EPG5: variants seen among roughly 807,000 people sequenced by gnomAD.
EPG5 encodes the protein ectopic P granules protein 5 homolog.
A neutral mutation model predicts 302.7 loss-of-function variants in EPG5; 159 were observed. The ratio of observed to expected loss-of-function variants is 0.53; its 90% confidence interval spans 0.46 to 0.60. The LOEUF is 0.60. Among genes scored for constraint, EPG5 ranks in the 20% least tolerant of loss-of-function variants. The pLI, the probability that EPG5 is intolerant of heterozygous loss-of-function variation, is 0.00. For missense variants in EPG5, 2,896 were observed against 3,092.4 expected, an observed-to-expected ratio of 0.94 and a Z score of 1.51; for synonymous variants, 1,158 against 1,136.8, an observed-to-expected ratio of 1.02 and a Z score of -0.37.
chr18:45,834,726 A>G, the EPG5 span, among the ~76,000 whole-genome samples: 1 of 152,346 alleles, frequency 6.6e-6, no homozygotes, highest in South Asian at 2.1e-4. Context: ...TGCCTGGCAT[A>G]AAGTGGGGAA....
At chr18:45,837,107 A>G in the EPG5 span, 3 of 1,612,724 alleles carry the variant, frequency 1.9e-6, no homozygotes, top group South Asian at 3.3e-5. Context: ...TTTTATTATT[A>G]TCACCATCTC....
At chr18:45,945,510 G>T (rs2050768305) in intron 7 of EPG5, among the ~76,000 whole-genome samples, 1 of 152,116 alleles carries the variant, frequency 6.6e-6, no homozygotes. Flanking sequence ...CAGGAGCCAG[G>T]CACCAATGCA....
At chr18:45,953,488 G>C in intron 2 of EPG5, 1 of 985,284 alleles carries the variant, frequency 1.0e-6, no homozygotes, top group Non-Finnish European at 1.2e-6. Flanking sequence ...TTAGGGATAG[G>C]GGAATGACAT....
chr18:45,944,149 C>T, intron 7 of EPG5, 30 bp from the exon 8 acceptor site: 1 of 1,324,554 alleles, frequency 7.5e-7, no homozygotes, highest in Non-Finnish European at 1.1e-6. Flanking sequence ...ATCATGTCAG[C>T]AGATTTGATC....
chr18:45,810,265 A>G, the EPG5 span, among the ~76,000 whole-genome samples: 4 of 152,200 alleles, frequency 2.6e-5, no homozygotes, highest in Non-Finnish European at 5.9e-5. Flanking sequence ...ACGGATTCAC[A>G]GCAGAATTCT....
chr18:45,839,730 G>C, the EPG5 span, among the ~76,000 whole-genome samples: 1 of 152,206 alleles, frequency 6.6e-6, no homozygotes, highest in African/African-American at 2.4e-5. Flanking sequence ...CTTCCTAGCA[G>C]AGATCATGGT....
intron 40 of EPG5, 24 bp downstream of exon 40, chr18:45,860,080 G>A (rs773350138): frequency 6.2e-7 from 1 of 1,613,458 alleles, no homozygotes; most frequent in Admixed American, 1.7e-5. Flanking sequence ...CAATACAATG[G>A]AGCGTAAGAT....
At chr18:45,953,941 A>G (rs1249303135) in intron 2 of EPG5, 1 of 985,124 alleles carries the variant, frequency 1.0e-6, no homozygotes, top group Non-Finnish European at 1.2e-6. Flanking sequence ...ATTATGCCCA[A>G]GGTCACAAAC....
At position 45,912,476 on chromosome 18, in the gene EPG5, T is replaced by C. The variant is rs762188580; in HGVS notation, c.3817-20A>G. On this transcript the variant is annotated intron_variant, in intron 21 of 43. Transcript: ENST00000282041. ...GGCTTTCTACAAAAAAGAAAGGGCT[T>C]TGAGTAGCCACAAAATGAACATAAA... 7 of 1,580,268 alleles carry C rather than the reference T, an allele frequency of 4.4e-6. No individual in the cohort carries two copies. Among genetic ancestry groups the C allele is most frequent in the Non-Finnish European group, 6.0e-6 (7 of 1,169,594 alleles).
chr18:45,872,603 C>T (rs1038890844), intron 35 of EPG5, among the ~76,000 whole-genome samples: 4 of 152,050 alleles, frequency 2.6e-5, no homozygotes, highest in African/African-American at 9.7e-5. Context: ...ACTCGGGAGG[C>T]TGAGGTGGGA....
intron 1 of EPG5, among the ~76,000 whole-genome samples, chr18:45,962,496 C>A (rs1001597933): frequency 3.3e-5 from 5 of 152,264 alleles, no homozygotes; most frequent in African/African-American, 1.2e-4. Flanking sequence ...TCAGGGTGCT[C>A]AGAGTTGGGG....
chr18:45,941,949 C>A (rs2050675508), intron 9 of EPG5, among the ~76,000 whole-genome samples: 1 of 152,142 alleles, frequency 6.6e-6, no homozygotes, highest in Non-Finnish European at 1.5e-5. Flanking sequence ...CCAGGCCGGG[C>A]ACAGTAGCTC....
intron 23 of EPG5, among the ~76,000 whole-genome samples, chr18:45,909,044 T>C (rs2049828574): frequency 6.6e-6 from 1 of 152,184 alleles, no homozygotes; most frequent in Non-Finnish European, 1.5e-5. Context: ...CCAGCAGTGC[T>C]AGAAAAATAG....
At chr18:45,916,239 TAAC>T in intron 18 of EPG5, 33 bp from the exon 19 acceptor site, 1 of 1,582,088 alleles carries the variant, frequency 6.3e-7, no homozygotes, top group Non-Finnish European at 8.6e-7. Context: ...ATGGGAAAGA[TAAC>T]AACCAGCCTC....
the EPG5 span, among the ~76,000 whole-genome samples, chr18:45,824,449 G>A: frequency 6.6e-6 from 1 of 152,128 alleles, no homozygotes; most frequent in Non-Finnish European, 1.5e-5. Context: ...CTTGTGATCT[G>A]CCCGCCTCAG....
Position 45,901,013 on chromosome 18 carries a change from C to T in EPG5, c.4629G>A (p.Leu1543=), listed in dbSNP as rs182255496. The part of the protein sequence containing the change: ...ATQLVCTDLN[L]LQQQARTAAL... Reference sequence around the variant, plus strand: ...GGTCTTACCTGGCCTGCTGTTGCAACAGATTCAGGTCTGTGCACACCAGCT... The same window carrying T: ...GGTCTTACCTGGCCTGCTGTTGCAATAGATTCAGGTCTGTGCACACCAGCT... The change falls in exon 26 of 44, where the codon CTG becomes CTA. Residue 1543 remains leucine (L), a synonymous_variant. Coordinates refer to ENST00000282041, the MANE Select transcript of EPG5 (RefSeq NM_020964.3). 631 of 1,613,340 alleles carry T rather than the reference C, an allele frequency of 3.9e-4. 2 individuals are homozygous for T. The African/African-American group carries it at 7.5e-3, about 19-fold the overall frequency.
In EPG5 at chr18:45,858,727, G is replaced by C. The variant is rs551726903; in HGVS notation, c.7065C>G (p.Pro2355=). The C allele has an allele frequency of 1.2e-6, 2 of 1,614,154 alleles. No homozygotes were observed. Among genetic ancestry groups the C allele is most frequent in the African/African-American group, 1.3e-5 (1 of 75,022 alleles). ...GCAGGAACTCTTCCATGGTGAGCTC[G>C]GGAACCTGAAGGGATACCAGAATGG... is the stretch of plus-strand genomic sequence containing the variant. ...WGPILVSLQV[P]ELTMEEFLQE... The change falls in exon 41 of 44, where the codon CCC becomes CCG. Residue 2355 remains proline, a synonymous_variant. Coordinates refer to ENST00000282041, the MANE Select transcript of EPG5 (RefSeq NM_020964.3).
chr18:45,802,110 G>C, the EPG5 span, among the ~76,000 whole-genome samples: 1 of 152,126 alleles, frequency 6.6e-6, no homozygotes, highest in Non-Finnish European at 1.5e-5. Context: ...TCCCTTGGTG[G>C]AGTGCTGATG....
Position 45,880,080 on chromosome 18 carries a change from T to C in EPG5, c.5662A>G (p.Lys1888Glu), listed in dbSNP as rs538625008. The C allele has an allele frequency of 1.3e-6, 2 of 1,582,006 alleles. No individual in the cohort carries two copies. The highest frequency in any genetic ancestry group is 1.1e-5 in the South Asian group (1 of 88,878). Reference sequence around the variant, plus strand: ...AGAGACCAAAGGCTACACACCTGCTTGTCTGACAAGAGAGCATCAGAAGAG... The same window carrying C: ...AGAGACCAAAGGCTACACACCTGCTCGTCTGACAAGAGAGCATCAGAAGAG... ...PSSSDALLSD[K>E]QVMETIQWLS... Residue 1888 changes from lysine (K) to glutamate (E), a missense_variant, in exon 32 of 44, where the codon AAG becomes GAG. By Grantham distance (56) the Lys-to-Glu change is moderately conservative (BLOSUM62 1). Around this residue, in one of 5 missense-constraint regions of EPG5, gnomAD observed 790 missense variants for 798.0 expected, o/e 0.99. Coordinates refer to ENST00000282041, the MANE Select transcript of EPG5 (RefSeq NM_020964.3).
Sources: allele counts gnomAD v4.1 joint callset (sites outside exome capture counted in the v4.1 genomes callset), GRCh38; gene constraint gnomAD v4.1.1; regional missense constraint gnomAD v4.1.1; transcripts MANE v1.5; gene names NCBI Gene and HGNC (gene_info 2026-07-23, HGNC 2026-07-21).